The following GRB10 variants were observed in gnomAD, a reference collection of about 807,000 sequenced individuals.
The protein encoded by GRB10 is growth factor receptor-bound protein 10.
Under a neutral mutation model 80.9 loss-of-function variants are expected in GRB10, and 20 were observed. That is an observed-to-expected ratio of 0.25 (90% CI 0.17 to 0.36). The LOEUF is 0.36. Among genes scored for constraint, GRB10 ranks in the 10% least tolerant of loss-of-function variants. The pLI, the probability that GRB10 is intolerant of heterozygous loss-of-function variation, is 1.00. For missense variants in GRB10, 548 were observed against 747.7 expected, an observed-to-expected ratio of 0.73 and a Z score of 3.12; for synonymous variants, 291 against 291.5, an observed-to-expected ratio of 1.00 and a Z score of 0.02.
chr7:50,603,562 G>A (rs2047990078), intron 17 of GRB10, among the ~76,000 whole-genome samples: 1 of 152,118 alleles, frequency 6.6e-6, no homozygotes, highest in Non-Finnish European at 1.5e-5. Context: ...GGTGAGAAAG[G>A]CCACTCAACC....
At chr7:50,767,323 T>C (rs6962371) in intron 2 of GRB10, among the ~76,000 whole-genome samples, 4,166 of 152,254 alleles carry the variant, frequency 0.027, 89 homozygotes, top group South Asian at 0.046. Flanking sequence ...CCTGAAGGTA[T>C]AGGGCAGGCA....
chr7:50,597,095 T>G (rs928270551), intron 17 of GRB10, among the ~76,000 whole-genome samples: 6 of 152,296 alleles, frequency 3.9e-5, no homozygotes, highest in Middle Eastern at 3.4e-3. Context: ...GAAAATCCCA[T>G]GCTGAAAAGG....
intron 12 of GRB10, among the ~76,000 whole-genome samples, chr7:50,613,986 A>G (rs1280589696): frequency 6.6e-6 from 1 of 152,190 alleles, no homozygotes; most frequent in Non-Finnish European, 1.5e-5. Flanking sequence ...CTATCCCACA[A>G]GGGGCTGTGA....
chr7:50,622,499 T>C (rs1305382448), intron 8 of GRB10, among the ~76,000 whole-genome samples: 2 of 152,160 alleles, frequency 1.3e-5, no homozygotes, highest in Non-Finnish European at 1.5e-5. Flanking sequence ...TTCAACCTAA[T>C]TCTCAGGACA....
intron 2 of GRB10, chr7:50,779,499 C>T (rs2078063319): frequency 6.6e-6 from 1 of 152,192 alleles, no homozygotes; most frequent in African/African-American, 2.4e-5. Context: ...CAGGCCATCC[C>T]TCTACTCACC....
chr7:50,783,345 G>A (rs1444897602), upstream of GRB10, among the ~76,000 whole-genome samples: 1 of 152,070 alleles, frequency 6.6e-6, no homozygotes, highest in Non-Finnish European at 1.5e-5. Context: ...CATTTAAACT[G>A]AGAGTCAGCG....
At chr7:50,609,501 G>C (rs1369757721) in intron 13 of GRB10, among the ~76,000 whole-genome samples, 1 of 152,204 alleles carries the variant, frequency 6.6e-6, no homozygotes, top group African/African-American at 2.4e-5. Context: ...TCACATGTTT[G>C]CATGTATATA....
chr7:50,725,035 C>A (rs1732145504), intron 4 of GRB10, among the ~76,000 whole-genome samples: 1 of 152,190 alleles, frequency 6.6e-6, no homozygotes, highest in African/African-American at 2.4e-5. Flanking sequence ...GGTAGCTGTG[C>A]CTGCTGCCTG....
At chr7:50,685,792 T>C (rs1049759833) in intron 5 of GRB10, among the ~76,000 whole-genome samples, 1 of 152,184 alleles carries the variant, frequency 6.6e-6, no homozygotes, top group African/African-American at 2.4e-5. Context: ...AAAGTCATTC[T>C]AGGAGAACAG....
intron 7 of GRB10, among the ~76,000 whole-genome samples, chr7:50,667,401 T>G (rs1271614296): frequency 6.6e-6 from 1 of 152,198 alleles, no homozygotes; most frequent in Non-Finnish European, 1.5e-5. Flanking sequence ...TGACTAGACC[T>G]TGGTCTCAGC....
intron 4 of GRB10, among the ~76,000 whole-genome samples, chr7:50,708,675 T>G (rs143444725): frequency 3.6e-3 from 16 of 4,498 alleles, no homozygotes; most frequent in Middle Eastern, 0.12. Context: ...GTGAGTCTGT[T>G]TTTTTTTTTT....
rs764199937 is a variant in GRB10 at position 50,732,281 on chromosome 7, C to T, written c.42G>A (p.Pro14=). The part of the protein sequence containing the change: ...AGCPDSFLHH[P]YYQDKVEQTP... ...ATGTGCTCGCCCATACCTGGTAGTA[C>T]GGATGGTGCAAAAAGGAATCTGGGC... is the stretch of plus-strand genomic sequence containing the variant. Residue 14 remains proline (P), a synonymous_variant, in exon 4 of 19, where the codon CCG becomes CCA. Coordinates refer to ENST00000401949, the MANE Select transcript of GRB10 (RefSeq NM_001350814.2). The T allele has an allele frequency of 3.0e-5, 49 of 1,613,778 alleles. No individual in the cohort carries two copies. Among genetic ancestry groups the T allele is most frequent in the South Asian group, 2.4e-4 (22 of 91,080 alleles).
chr7:50,745,137 A>C (rs2072668244), intron 3 of GRB10, among the ~76,000 whole-genome samples: 1 of 152,184 alleles, frequency 6.6e-6, no homozygotes, highest in Non-Finnish European at 1.5e-5. Context: ...AAAATTTTCT[A>C]GTAATTACTG....
chr7:50,646,171 T>C (rs933876723), intron 7 of GRB10, among the ~76,000 whole-genome samples: 2 of 152,214 alleles, frequency 1.3e-5, no homozygotes, highest in Non-Finnish European at 2.9e-5. Flanking sequence ...TATGTGCCAT[T>C]AAATGGTATA....
chr7:50,707,736 A>G (rs974713896), intron 4 of GRB10, among the ~76,000 whole-genome samples: 1 of 152,196 alleles, frequency 6.6e-6, no homozygotes, highest in Non-Finnish European at 1.5e-5. Flanking sequence ...GGTGGGTGGG[A>G]CCAGCCTCCA....
rs201726090 is a variant in GRB10, at chr7:50,595,534, G to A, written c.1545-4C>T. 4.3e-4 allele frequency: 672 copies of A among 1,574,032 alleles called. 2 individuals are homozygous for A. The highest frequency in any genetic ancestry group is 5.6e-4 in the Non-Finnish European group (640 of 1,144,320). On this transcript the variant is annotated splice_polypyrimidine_tract_variant and splice_region_variant and intron_variant, in intron 17 of 18. Transcript: ENST00000401949. ...GCTGTCACGGAGGAGAAAAAGCCTG[G>A]GGAAGGGAAAATAGTTGATTGCTAA...
intron 7 of GRB10, among the ~76,000 whole-genome samples, chr7:50,653,677 G>A (rs897628824): frequency 6.6e-6 from 1 of 152,164 alleles, no homozygotes; most frequent in African/African-American, 2.4e-5. Flanking sequence ...TCAGCCGCTG[G>A]CCTCCCCGGG....
intron 7 of GRB10, among the ~76,000 whole-genome samples, chr7:50,664,513 T>G (rs1365745584): frequency 2.0e-5 from 3 of 152,168 alleles, no homozygotes; most frequent in Non-Finnish European, 4.4e-5. Flanking sequence ...CCCAGGATTG[T>G]CTGGCACCTG....
chr7:50,739,506 T>C (rs902369590), intron 3 of GRB10, among the ~76,000 whole-genome samples: 1 of 152,224 alleles, frequency 6.6e-6, no homozygotes, highest in Non-Finnish European at 1.5e-5. Context: ...CATGCTCACC[T>C]TGTCTATCCC....
Sources: gnomAD v4.1 joint callset for allele counts (sites outside exome capture counted in the v4.1 genomes callset) on GRCh38, gnomAD v4.1.1 for gene constraint, MANE v1.5 for transcripts, NCBI Gene and HGNC (gene_info 2026-07-23, HGNC 2026-07-21) for gene names.